The following SMOC2 variants were observed in gnomAD, a reference collection of about 807,000 sequenced individuals.
The protein encoded by SMOC2 is SPARC related modular calcium binding 2.
Under a neutral mutation model 61.4 loss-of-function variants are expected in SMOC2, and 39 were observed. The ratio of observed to expected loss-of-function variants is 0.64; its 90% CI spans 0.49 to 0.83. The LOEUF (loss-of-function observed/expected upper bound fraction) is 0.83, where lower values mean the gene tolerates loss of function less well. Ranked by LOEUF, SMOC2 falls within the 40% of genes least tolerant of loss-of-function variation. The pLI, the probability that SMOC2 is intolerant of heterozygous loss-of-function variation, is 0.00. For synonymous variants in SMOC2, 247 were observed against 239.9 expected, an observed-to-expected ratio of 1.03 and a Z score of -0.27; for missense variants, 556 against 592.9, an observed-to-expected ratio of 0.94 and a Z score of 0.65.
At chr6:168,476,211 A>G (rs1782080001) in intron 1 of SMOC2, among the ~76,000 whole-genome samples, 1 of 152,134 alleles carries the variant, frequency 6.6e-6, no homozygotes, top group African/African-American at 2.4e-5. Flanking sequence ...GTTAACAGAT[A>G]TGGCGGAAAT....
intron 1 of SMOC2, among the ~76,000 whole-genome samples, chr6:168,468,045 C>T (rs1781884190): frequency 6.6e-6 from 1 of 152,144 alleles, no homozygotes; most frequent in African/African-American, 2.4e-5. Context: ...ATAGTGGATG[C>T]ATTTCACTGA....
intron 9 of SMOC2, among the ~76,000 whole-genome samples, chr6:168,649,233 C>T (rs1371616118): frequency 2.6e-5 from 4 of 152,220 alleles, no homozygotes; most frequent in Admixed American, 6.5e-5. Flanking sequence ...TTCCCTTTGG[C>T]GGGGCCGTCT....
In SMOC2 at chr6:168,448,625, G is replaced by GGGA. The variant is rs199648761; in HGVS notation, c.84+7175_84+7177dup. 9.5e-3 allele frequency among the ~76,000 whole-genome samples: 1,413 copies of GGGA among 149,216 alleles called. 25 individuals are homozygous for GGGA. The highest frequency in any genetic ancestry group is 0.033 in the African/African-American group (1,316 of 39,974). ...GATGATGGGGAGGAGGATGGTGATGGGGAGGATGGTGATGGGGAGGAGGAT... is the reference window on the plus strand; with the variant it reads ...GATGATGGGGAGGAGGATGGTGATGGGGAGGAGGATGGTGATGGGGAGGAGGAT... On this transcript the variant is annotated intron_variant, in intron 1 of 12. Transcript: ENST00000356284.
At chr6:168,655,500 G>A (rs1186419368) in intron 11 of SMOC2, 7 of 443,778 alleles carry the variant, frequency 1.6e-5, no homozygotes, top group African/African-American at 6.0e-5. Flanking sequence ...TGTGAGATGC[G>A]TGCATGCCCT....
chr6:168,540,026 C>A (rs982747460), intron 4 of SMOC2, among the ~76,000 whole-genome samples: 2 of 152,246 alleles, frequency 1.3e-5, no homozygotes, highest in African/African-American at 4.8e-5. Flanking sequence ...CTGTGAAGGA[C>A]ATAGCAGGGA....
At chr6:168,564,392 A>G (rs1784496800) in intron 7 of SMOC2, among the ~76,000 whole-genome samples, 1 of 152,200 alleles carries the variant, frequency 6.6e-6, no homozygotes. Context: ...CTAATCATGT[A>G]TACTGCATAT....
chr6:168,543,443 G>A (rs117339961), intron 4 of SMOC2, among the ~76,000 whole-genome samples, 182 bp from the exon 5 acceptor site: 1,984 of 152,252 alleles, frequency 0.013, 25 homozygotes, highest in East Asian at 0.032. Context: ...TGAGTCCAGG[G>A]TCTGAGTGTT....
chr6:168,557,394 A>T (rs1347570188), intron 7 of SMOC2, among the ~76,000 whole-genome samples: 1 of 152,364 alleles, frequency 6.6e-6, no homozygotes, highest in East Asian at 1.9e-4. Context: ...TTTTAATTTC[A>T]ATCATATTTG....
At chr6:168,508,925 A>G (rs1271988911) in intron 1 of SMOC2, among the ~76,000 whole-genome samples, 2 of 152,166 alleles carry the variant, frequency 1.3e-5, no homozygotes, top group African/African-American at 4.8e-5. Flanking sequence ...GGGGCAGGTG[A>G]TAGTCTGGGG....
At chr6:168,476,391 T>A (rs2115018702) in intron 1 of SMOC2, among the ~76,000 whole-genome samples, 1 of 152,226 alleles carries the variant, frequency 6.6e-6, no homozygotes. Context: ...TTTGCTATTG[T>A]TTTCCTGTAA....
chr6:168,460,157 C>CTCACA (rs1781688454), intron 1 of SMOC2, among the ~76,000 whole-genome samples: 1 of 152,200 alleles, frequency 6.6e-6, no homozygotes. Context: ...TGTGGCTACA[C>CTCACA]TCACATCACA....
intron 7 of SMOC2, among the ~76,000 whole-genome samples, chr6:168,550,938 C>T (rs1369699361): frequency 1.3e-5 from 2 of 152,170 alleles, no homozygotes; most frequent in Non-Finnish European, 2.9e-5. Context: ...CTGTATGTTT[C>T]AGGTTTACTG....
At chr6:168,484,138 A>G (rs1425700159) in intron 1 of SMOC2, among the ~76,000 whole-genome samples, 1 of 152,214 alleles carries the variant, frequency 6.6e-6, no homozygotes, top group Non-Finnish European at 1.5e-5. Context: ...AGACACTATC[A>G]ACACAGTACA....
intron 2 of SMOC2, among the ~76,000 whole-genome samples, chr6:168,519,004 T>G (rs1562566970): frequency 6.8e-6 from 1 of 146,546 alleles, no homozygotes; most frequent in African/African-American, 2.5e-5. Context: ...CGTGCATGTG[T>G]GAGTATGCGT....
intron 9 of SMOC2, among the ~76,000 whole-genome samples, chr6:168,647,735 A>C (rs1414795734): frequency 6.6e-6 from 1 of 152,074 alleles, no homozygotes; most frequent in East Asian, 1.9e-4. Flanking sequence ...AACATAATGA[A>C]AGTTAGTTTT....
intron 7 of SMOC2, among the ~76,000 whole-genome samples, chr6:168,567,233 G>T (rs1784566492): frequency 6.6e-6 from 1 of 152,190 alleles, no homozygotes; most frequent in Admixed American, 6.5e-5. Flanking sequence ...TCTTTGGGAA[G>T]AGAGATTTTA....
intron 10 of SMOC2, 94 bp downstream of exon 10, chr6:168,650,877 C>T: frequency 8.5e-7 from 1 of 1,179,088 alleles, no homozygotes; most frequent in East Asian, 2.6e-5. Flanking sequence ...GCAACCTTCT[C>T]AGCTTATTTG....
At chr6:168,461,822 A>G (rs1221356930) in intron 1 of SMOC2, among the ~76,000 whole-genome samples, 1 of 152,162 alleles carries the variant, frequency 6.6e-6, no homozygotes, top group Non-Finnish European at 1.5e-5. Flanking sequence ...ATATTGTTAC[A>G]ATGGTGCTCA....
At chr6:168,619,047 C>A (rs1381748786) in intron 9 of SMOC2, among the ~76,000 whole-genome samples, 1 of 152,188 alleles carries the variant, frequency 6.6e-6, no homozygotes, top group African/African-American at 2.4e-5. Context: ...TGACCTGACA[C>A]AAAATGACCC....
Sources: gnomAD v4.1 joint callset for allele counts (sites outside exome capture counted in the v4.1 genomes callset) on GRCh38, gnomAD v4.1.1 for gene constraint, MANE v1.5 for transcripts, NCBI Gene and HGNC (gene_info 2026-07-23, HGNC 2026-07-21) for gene names.